C12orf50: variants seen among roughly 807,000 people sequenced by gnomAD.
The protein encoded by C12orf50 is uncharacterized protein C12orf50.
In C12orf50, 35 loss-of-function variants were observed where a neutral mutation model predicts 61.6. The ratio of observed to expected loss-of-function variants is 0.57; its 90% CI spans 0.43 to 0.75. The LOEUF is 0.75. Ranked by LOEUF, C12orf50 falls within the 30% of genes least tolerant of loss-of-function variation. The probability of loss-of-function intolerance (pLI) is 0.00; values close to 1 mark genes in which losing one functional copy is unlikely to be tolerated. For missense variants in C12orf50, 475 were observed against 488.5 expected (o/e 0.97, Z 0.26); for synonymous variants, 178 against 161.5 (o/e 1.10, Z -0.77).
chr12:87,989,483 CT>C, intron 7 of C12orf50, 112 bp from the exon 8 acceptor site: 1 of 665,500 alleles, frequency 1.5e-6, no homozygotes, highest in East Asian at 2.7e-5. Flanking sequence ...TCTTTGGACA[CT>C]TCTCAGTGAT....
At chr12:88,029,095 T>A (rs1250176425) in intron 1 of C12orf50, 1 of 1,286,824 alleles carries the variant, frequency 7.8e-7, no homozygotes, top group Non-Finnish European at 1.0e-6. Context: ...AAAAAAGAAA[T>A]AGCAGTCATT....
At chr12:88,021,564 G>A (rs1233757060) in intron 3 of C12orf50, among the ~76,000 whole-genome samples, 1 of 152,034 alleles carries the variant, frequency 6.6e-6, no homozygotes, top group Non-Finnish European at 1.5e-5. Flanking sequence ...CTTGAACCCT[G>A]GAACCAGAGG....
chr12:87,998,319 T>A, intron 3 of C12orf50, 129 bp from the exon 4 acceptor site: 1 of 626,004 alleles, frequency 1.6e-6, no homozygotes, highest in Middle Eastern at 4.6e-4. Context: ...AATACATTAA[T>A]GGATTGTGTT....
At chr12:87,985,789 A>G (rs10858676) in intron 11 of C12orf50, 61 bp downstream of exon 11, 1,563,809 of 1,565,656 alleles carry the variant, frequency 1, 781,001 homozygotes, top group East Asian at 1. Context: ...CAAGCTGTCA[A>G]GAAATTCCAT....
rs746355602 is a variant in C12orf50, at chr12:87,996,598, C to A, written c.338G>T (p.Arg113Ile). Residue 113 changes from arginine (R) to isoleucine (I), a missense_variant, in exon 5 of 13, where the codon AGA becomes ATA. Transcript: ENST00000298699. ...TTTATAACACATCTCCTTTATTGCTCTTTTTTCTTCAATTTCTTCAGGGGT... is the reference window on the plus strand; with the variant it reads ...TTTATAACACATCTCCTTTATTGCTATTTTTTCTTCAATTTCTTCAGGGGT... Reference protein sequence around the residue: ...TKTPEEIEEKRAIKEMCYKSG... With the variant: ...TKTPEEIEEKIAIKEMCYKSG... The A allele has an allele frequency of 1.4e-5, 23 of 1,609,686 alleles. No homozygotes were observed. The highest frequency in any genetic ancestry group is 6.7e-5 in the Admixed American group (4 of 59,936).
intron 8 of C12orf50, 124 bp downstream of exon 8, chr12:87,989,140 G>T: frequency 1.5e-6 from 1 of 648,376 alleles, no homozygotes; most frequent in Admixed American, 2.8e-5. Context: ...TAGAGCTCTT[G>T]ACTCCTATTC....
At chr12:88,028,451 T>C (rs1053073138) in intron 1 of C12orf50, among the ~76,000 whole-genome samples, 5 of 152,198 alleles carry the variant, frequency 3.3e-5, no homozygotes, top group African/African-American at 9.6e-5. Flanking sequence ...CTGGTTTTAC[T>C]AAGATCTATA....
At chr12:88,018,384 A>C (rs1010810386) in intron 3 of C12orf50, among the ~76,000 whole-genome samples, 3 of 152,220 alleles carry the variant, frequency 2.0e-5, no homozygotes, top group Non-Finnish European at 2.9e-5. Flanking sequence ...CTCTGCCTAG[A>C]TTTCAGAGGG....
chr12:88,015,880 C>T (rs556166335), intron 3 of C12orf50, among the ~76,000 whole-genome samples: 4 of 152,180 alleles, frequency 2.6e-5, no homozygotes, highest in East Asian at 1.9e-4. Flanking sequence ...AATTCACTAG[C>T]AGGTTGAAGT....
chr12:88,009,983 T>C (rs1203606844), intron 3 of C12orf50, among the ~76,000 whole-genome samples: 1 of 152,092 alleles, frequency 6.6e-6, no homozygotes, highest in African/African-American at 2.4e-5. Context: ...AATTGATTTG[T>C]ATCTATTGTG....
intron 7 of C12orf50, among the ~76,000 whole-genome samples, chr12:87,992,281 C>G (rs1259145247): frequency 6.6e-6 from 1 of 152,082 alleles, no homozygotes; most frequent in Non-Finnish European, 1.5e-5. Flanking sequence ...TGTGTGTGTA[C>G]ATAGTTCCCC....
At chr12:87,999,877 G>C (rs1348198767) in intron 3 of C12orf50, among the ~76,000 whole-genome samples, 3 of 152,102 alleles carry the variant, frequency 2.0e-5, no homozygotes, top group Admixed American at 1.3e-4. Context: ...TTGCATGTGA[G>C]AGCATGGATG....
intron 3 of C12orf50, among the ~76,000 whole-genome samples, chr12:88,001,747 A>C (rs1203549711): frequency 6.6e-6 from 1 of 151,330 alleles, no homozygotes; most frequent in Non-Finnish European, 1.5e-5. Flanking sequence ...AAATTTGTCT[A>C]TTTTATATAA....
chr12:88,017,943 A>C (rs886851412), intron 3 of C12orf50, among the ~76,000 whole-genome samples: 2 of 152,234 alleles, frequency 1.3e-5, no homozygotes, highest in Non-Finnish European at 2.9e-5. Context: ...CAGTTCTAAA[A>C]AGAAAACAGC....
chr12:88,024,761 A>G (rs775825754), intron 3 of C12orf50, among the ~76,000 whole-genome samples: 6 of 152,190 alleles, frequency 3.9e-5, no homozygotes, highest in Non-Finnish European at 7.3e-5. Context: ...TGTACCCCAG[A>G]ACCTAAAATA....
chr12:88,010,900 T>A (rs2032084437), intron 3 of C12orf50, among the ~76,000 whole-genome samples: 1 of 152,098 alleles, frequency 6.6e-6, no homozygotes, highest in Non-Finnish European at 1.5e-5. Context: ...GGTGCTGAAT[T>A]TGACATGTAT....
chr12:88,023,427 A>G (rs1415519811), intron 3 of C12orf50, among the ~76,000 whole-genome samples: 1 of 151,318 alleles, frequency 6.6e-6, no homozygotes, highest in Non-Finnish European at 1.5e-5. Context: ...GCACTTTGGG[A>G]GGTTGAGGTG....
intron 1 of C12orf50, 145 bp from the exon 2 acceptor site, chr12:88,027,215 C>A: frequency 2.3e-6 from 2 of 878,240 alleles, no homozygotes; most frequent in Admixed American, 3.7e-5. Context: ...GGCCATAAGT[C>A]TAAATTTTAG....
At chr12:88,017,704 A>G (rs1272321549) in intron 3 of C12orf50, among the ~76,000 whole-genome samples, 1 of 152,212 alleles carries the variant, frequency 6.6e-6, no homozygotes, top group Non-Finnish European at 1.5e-5. Flanking sequence ...AATGATATGG[A>G]CAATGAAATC....
Sources: gnomAD v4.1 joint callset for allele counts (sites outside exome capture counted in the v4.1 genomes callset) on GRCh38, gnomAD v4.1.1 for gene constraint, MANE v1.5 for transcripts, NCBI Gene and HGNC (gene_info 2026-07-23, HGNC 2026-07-21) for gene names.